The following PTGDS variants were observed in gnomAD, a reference collection of about 807,000 sequenced individuals.
PTGDS encodes the protein prostaglandin-H2 D-isomerase.
In PTGDS, 21 loss-of-function variants were observed where a neutral mutation model predicts 28.4. The observed-to-expected ratio is 0.74, with a 90% confidence interval of 0.52 to 1.07. The LOEUF (loss-of-function observed/expected upper bound fraction) is 1.07. Among genes scored for constraint, PTGDS ranks in the 50% least tolerant of loss-of-function variants. The pLI, the probability that PTGDS is intolerant of heterozygous loss-of-function variation, is 0.00. For missense variants in PTGDS, 243 were observed against 247.7 expected (o/e 0.98, Z 0.13); for synonymous variants, 102 against 106.0 (o/e 0.96, Z 0.23).
chr9:136,980,202 G>T lies in PTGDS; in HGVS notation c.468G>T (p.Arg156Ser). ...TCCCAGGCCGAACCCAGACCCCCAG[G>T]GCTGAGTTAAAGGAGAAATTCACCG... ...ATLYSRTQTP[R>S]AELKEKFTAF... The change falls in exon 5 of 7, where the codon AGG becomes AGT. Residue 156 changes from arginine to serine, a missense_variant. By Grantham distance (110) the Arg-to-Ser change is moderately radical (BLOSUM62 -1). Coordinates refer to ENST00000371625, the MANE Select transcript of PTGDS (RefSeq NM_000954.6). 1.2e-6 allele frequency: 2 copies of T among 1,613,938 alleles called. No individual in the cohort carries two copies. Among genetic ancestry groups the T allele is most frequent in the Non-Finnish European group, 1.7e-6 (2 of 1,179,976 alleles).
intron 1 of PTGDS, 167 bp from the exon 2 acceptor site, chr9:136,978,826 G>C: frequency 1.1e-6 from 1 of 912,760 alleles, no homozygotes. Context: ...AGGGGCGGGG[G>C]TCAGTTCCTG....
chr9:136,978,863 TC>T (rs1298534173), intron 1 of PTGDS, 129 bp from the exon 2 acceptor site: 2 of 1,173,516 alleles, frequency 1.7e-6, no homozygotes, highest in Admixed American at 5.7e-5. Context: ...GCGTGGCTGC[TC>T]GGGGGATTGG....
chr9:136,980,570 G>A lies in PTGDS; in HGVS notation c.551-263G>A, dbSNP rs1830436570. 4.8e-6 allele frequency: 6 copies of A among 1,247,844 alleles called. No individual in the cohort carries two copies. In the Admixed American group the frequency reaches 1.0e-4, roughly 21 times the overall value. The allele number at this position is 1,247,844 out of a possible 1,614,324, so 77.3% of individuals were successfully genotyped here. On this transcript the variant is annotated intron_variant, in intron 5 of 6. Coordinates refer to ENST00000371625, the MANE Select transcript of PTGDS (RefSeq NM_000954.6). ...TGGTGGGGGGCATAGGGTAGAGGGT[G>A]CCCATGGGGGATACAGGGGAACCAA...
chr9:136,977,770 C>A, intron 1 of PTGDS, 78 bp downstream of exon 1: 1 of 1,310,658 alleles, frequency 7.6e-7, no homozygotes. Context: ...TGGGTCTTCC[C>A]CCTGGGAGGA....
intron 1 of PTGDS, 52 bp from the exon 2 acceptor site, chr9:136,978,941 C>T: frequency 6.3e-7 from 1 of 1,591,774 alleles, no homozygotes; most frequent in East Asian, 2.3e-5. Context: ...CAGGTAGGCG[C>T]AGGTGGGTCC....
intron 1 of PTGDS, chr9:136,978,746 A>T (rs1292553273): frequency 4.0e-6 from 1 of 250,988 alleles, no homozygotes; most frequent in Admixed American, 7.1e-5. Flanking sequence ...TGGGGCGGGG[A>T]TGTGAGGGGC....
chr9:136,980,985 G>A (rs575627526), intron 6 of PTGDS, 130 bp downstream of exon 6: 29 of 1,327,828 alleles, frequency 2.2e-5, no homozygotes, highest in African/African-American at 2.1e-4. Flanking sequence ...CATCCTTCCC[G>A]ATGGCTGCAG....
In PTGDS at chr9:136,979,957, A is replaced by T. The variant is rs776575942; in HGVS notation, c.343A>T (p.Thr115Ser). Reference sequence around the variant, plus strand: ...TCTTGGGTTCCCAGACTGGGGCAGCACCTACTCCGTGTCAGTGGTGGAGAC... The same window carrying T: ...TCTTGGGTTCCCAGACTGGGGCAGCTCCTACTCCGTGTCAGTGGTGGAGAC... Reference protein sequence around the residue: ...YSYRSPHWGSTYSVSVVETDY... With the variant: ...YSYRSPHWGSSYSVSVVETDY... Residue 115 changes from threonine (T) to serine (S), a missense_variant, in exon 4 of 7, where the codon ACC becomes TCC. Physicochemically the swap from Thr to Ser is moderately conservative, Grantham distance 58. Coordinates refer to ENST00000371625, the MANE Select transcript of PTGDS (RefSeq NM_000954.6). The T allele has an allele frequency of 6.2e-7, 1 of 1,613,110 alleles. No individual in the cohort carries two copies. Among genetic ancestry groups the T allele is most frequent in the Non-Finnish European group, 8.5e-7 (1 of 1,179,920 alleles).
At chr9:136,980,383 G>C in intron 5 of PTGDS, 99 bp downstream of exon 5, 1 of 1,328,546 alleles carries the variant, frequency 7.5e-7, no homozygotes, top group South Asian at 1.3e-5. Flanking sequence ...AGGTGGCCCC[G>C]CCCTGCTCGA....
At chr9:136,977,802 C>T in intron 1 of PTGDS, 110 bp downstream of exon 1, 1 of 1,034,292 alleles carries the variant, frequency 9.7e-7, no homozygotes. Flanking sequence ...CCCGCAGTGC[C>T]GGGCAGTGCC....
At chr9:136,981,100 T>G in intron 6 of PTGDS, 1 of 571,498 alleles carries the variant, frequency 1.7e-6, no homozygotes, top group Non-Finnish European at 3.0e-6. Context: ...GGCTGACTCC[T>G]GAAGGCTCAT....
chr9:136,979,580 C>T, intron 3 of PTGDS: 2 of 917,814 alleles, frequency 2.2e-6, no homozygotes, highest in Admixed American at 2.8e-5. Flanking sequence ...AAGCAGCCCC[C>T]CAAGGCCCCT....
chr9:136,979,983 C>G lies in PTGDS; in HGVS notation c.369C>G (p.Thr123=), dbSNP rs767807598. The part of the protein sequence containing the change: ...GSTYSVSVVE[T]DYDQYALLYS... ...CCTACTCCGTGTCAGTGGTGGAGAC[C>G]GACTACGACCAGTACGCGCTGCTGT... is the stretch of plus-strand genomic sequence containing the variant. The change falls in exon 4 of 7, where the codon ACC becomes ACG. Residue 123 remains threonine (T), a synonymous_variant. Coordinates refer to ENST00000371625, the MANE Select transcript of PTGDS (RefSeq NM_000954.6). 4 of 1,613,082 alleles carry G rather than the reference C, an allele frequency of 2.5e-6. No homozygotes were observed. The highest frequency in any genetic ancestry group is 1.3e-5 in the African/African-American group (1 of 74,906).
chr9:136,978,577 AC>A (rs1333326090), intron 1 of PTGDS, among the ~76,000 whole-genome samples: 2 of 26,618 alleles, frequency 7.5e-5, no homozygotes, highest in African/African-American at 1.5e-4. Context: ...TGGGGCGGGG[AC>A]GTGAGGGGCG....
At position 136,979,152 on chromosome 9, in the gene PTGDS, G is replaced by A; in HGVS notation, c.254+20G>A. The A allele has an allele frequency of 6.2e-7, 1 of 1,612,970 alleles. No individual in the cohort carries two copies. Reference sequence around the variant, plus strand: ...CCTCAGGTGGGACAGCGGGCAGGTGGGTTTCTGGGACGGAGAGGTCCAGGG... The same window carrying A: ...CCTCAGGTGGGACAGCGGGCAGGTGAGTTTCTGGGACGGAGAGGTCCAGGG... On this transcript the variant is annotated intron_variant, in intron 2 of 6. Transcript: ENST00000371625.
intron 3 of PTGDS, chr9:136,979,666 G>T: frequency 1.6e-6 from 1 of 609,128 alleles, no homozygotes; most frequent in Non-Finnish European, 2.9e-6. Flanking sequence ...GGCTCCCACG[G>T]GGAAACCTCT....
chr9:136,980,137 C>T, intron 4 of PTGDS, 46 bp from the exon 5 acceptor site: 5 of 1,609,056 alleles, frequency 3.1e-6, no homozygotes, highest in African/African-American at 1.3e-5. Context: ...GCAGGGCACA[C>T]AGCATCCCCC....
rs1229427491 is a variant in PTGDS at position 136,980,130 on chromosome 9, G to A, written c.449-53G>A. 5.6e-6 allele frequency: 9 copies of A among 1,608,594 alleles called. No homozygotes were observed. In the African/African-American group the frequency reaches 1.2e-4, roughly 21 times the overall value. ...AGGGGGCTCCCCAAGACCCAGGGCA[G>A]GGCACACAGCATCCCCCCCGCTGAG... On this transcript the variant is annotated intron_variant, in intron 4 of 6. Coordinates refer to ENST00000371625, the MANE Select transcript of PTGDS (RefSeq NM_000954.6).
In PTGDS at chr9:136,979,020, C is replaced by G. The variant is rs372272086; in HGVS notation, c.142C>G (p.Leu48Val). 4 of 1,608,976 alleles carry G rather than the reference C, an allele frequency of 2.5e-6. No individual in the cohort carries two copies. The highest frequency in any genetic ancestry group is 3.4e-6 in the Non-Finnish European group (4 of 1,178,116). ...KFLGRWFSAG[L>V]ASNSSWLREK... ...CCTGGGGCGCTGGTTCAGCGCGGGC[C>G]TCGCCTCCAACTCGAGCTGGCTCCG... is the stretch of plus-strand genomic sequence containing the variant. Residue 48 changes from leucine to valine, a missense_variant, in exon 2 of 7, where the codon CTC (leucine) becomes GTC (valine). Transcript: ENST00000371625.
Sources: allele counts gnomAD v4.1 joint callset (sites outside exome capture counted in the v4.1 genomes callset), GRCh38; gene constraint gnomAD v4.1.1; transcripts MANE v1.5; gene names NCBI Gene and HGNC (gene_info 2026-07-23, HGNC 2026-07-21).